The following DLGAP1 variants were observed in gnomAD, a reference collection of about 807,000 sequenced individuals.
The protein encoded by DLGAP1 is disks large-associated protein 1.
Under a neutral mutation model 90.8 loss-of-function variants are expected in DLGAP1, and 11 were observed. That is an observed-to-expected ratio of 0.12 (90% CI 0.08 to 0.20). The LOEUF is 0.20. Ranked by LOEUF, DLGAP1 falls within the 10% of genes least tolerant of loss-of-function variation. The pLI, the probability that DLGAP1 is intolerant of heterozygous loss-of-function variation, is 1.00. For synonymous variants in DLGAP1, 558 were observed against 540.7 expected, an observed-to-expected ratio of 1.03 and a Z score of -0.44; for missense variants, 1,050 against 1,333.8, an observed-to-expected ratio of 0.79 and a Z score of 3.31.
chr18:3,821,267 C>T (rs1166490209), intron 4 of DLGAP1, among the ~76,000 whole-genome samples: 4 of 129,742 alleles, frequency 3.1e-5, no homozygotes, highest in South Asian at 2.5e-4. Flanking sequence ...TCCAGCTGGC[C>T]GACAGAGTGA....
intron 7 of DLGAP1, among the ~76,000 whole-genome samples, chr18:3,641,597 A>ACACC (rs2058947359): frequency 6.6e-6 from 1 of 151,104 alleles, no homozygotes; most frequent in Non-Finnish European, 1.5e-5. Flanking sequence ...ACACACACAC[A>ACACC]CACACACACA....
chr18:3,559,492 C>T (rs2053947997), intron 9 of DLGAP1, among the ~76,000 whole-genome samples: 2 of 151,734 alleles, frequency 1.3e-5, no homozygotes, highest in African/African-American at 4.8e-5. Context: ...TAATAGTTTT[C>T]TATTGAGCAT....
intron 10 of DLGAP1, among the ~76,000 whole-genome samples, chr18:3,525,101 A>C (rs1467828091): frequency 2.1e-5 from 3 of 139,802 alleles, no homozygotes; most frequent in African/African-American, 5.2e-5. Context: ...AAAAAAAAAA[A>C]AATCAACAAC....
At chr18:3,864,663 G>A (rs2070278984) in intron 4 of DLGAP1, among the ~76,000 whole-genome samples, 1 of 152,146 alleles carries the variant, frequency 6.6e-6, no homozygotes, top group Non-Finnish European at 1.5e-5. Flanking sequence ...CACTGAGAAT[G>A]GCACCTTTAT....
chr18:3,783,909 T>A (rs1219407843), intron 5 of DLGAP1, among the ~76,000 whole-genome samples: 1 of 152,182 alleles, frequency 6.6e-6, no homozygotes, highest in African/African-American at 2.4e-5. Context: ...GTGAGAATCT[T>A]ATGTGTCCTC....
rs1193387155 is a variant in DLGAP1, at chr18:3,757,960, A to C, written c.1173-15448T>G. ...GAAACCTCGTCTCTACTAAAAATAC[A>C]AAAAAATTAGCCAGGTTTGGTGGTG... On this transcript the variant is annotated intron_variant, in intron 5 of 12. Coordinates refer to ENST00000315677, the MANE Select transcript of DLGAP1 (RefSeq NM_004746.4). 2.6e-5 allele frequency among the ~76,000 whole-genome samples: 4 copies of C among 151,592 alleles called. No individual in the cohort carries two copies. In the East Asian group the frequency reaches 7.8e-4, roughly 29 times the overall value.
chr18:4,025,068 AG>A (rs1162723606), intron 2 of DLGAP1, among the ~76,000 whole-genome samples: 1 of 152,196 alleles, frequency 6.6e-6, no homozygotes, highest in Non-Finnish European at 1.5e-5. Context: ...GCACTTATAA[AG>A]TGGCAAGCAC....
intron 4 of DLGAP1, among the ~76,000 whole-genome samples, chr18:3,857,169 T>G (rs768621065): frequency 1.1e-4 from 17 of 152,114 alleles, no homozygotes; most frequent in Non-Finnish European, 2.2e-4. Context: ...AATTAGAATA[T>G]TTAAATTATT....
chr18:3,643,838 T>A (rs187991787), intron 7 of DLGAP1, among the ~76,000 whole-genome samples: 5 of 152,232 alleles, frequency 3.3e-5, no homozygotes, highest in Admixed American at 3.3e-4. Context: ...AACAGGCGCT[T>A]TCAACAGTGC....
intron 2 of DLGAP1, among the ~76,000 whole-genome samples, chr18:4,050,377 T>G (rs76747510): frequency 0.059 from 8,925 of 152,304 alleles, 307 homozygotes; most frequent in Middle Eastern, 0.18. Flanking sequence ...CAAATACTTT[T>G]ATTTACAGAT....
chr18:4,293,574 C>CTAAG (rs1242623411), intron 1 of DLGAP1: 1 of 152,150 alleles, frequency 6.6e-6, no homozygotes, highest in Admixed American at 6.5e-5. Flanking sequence ...TATGTCCTTA[C>CTAAG]TAAGTTTCAT....
intron 1 of DLGAP1, among the ~76,000 whole-genome samples, chr18:4,437,470 TA>T (rs1305025716): frequency 1.3e-5 from 2 of 152,228 alleles, no homozygotes; most frequent in African/African-American, 4.8e-5. Flanking sequence ...ACTTACACTT[TA>T]AATAATCTCC....
rs772530060 is a variant in DLGAP1, at chr18:3,582,070, G to A, written c.1770C>T (p.Thr590=). Residue 590 remains threonine (T), a synonymous_variant, in exon 8 of 13, where the codon ACC becomes ACT. Coordinates refer to ENST00000315677, the MANE Select transcript of DLGAP1 (RefSeq NM_004746.4). Reference sequence around the variant, plus strand: ...GAGCCTTCATACTGTCCAGGCTCTCGGTGGAGTTGCTGAGTCCAGACTGGC... The same window carrying A: ...GAGCCTTCATACTGTCCAGGCTCTCAGTGGAGTTGCTGAGTCCAGACTGGC... The part of the protein sequence containing the change: ...IISQSGLSNS[T]ESLDSMKALT... 2.3e-5 allele frequency: 37 copies of A among 1,613,866 alleles called. No individual in the cohort carries two copies. Among genetic ancestry groups the A allele is most frequent in the Admixed American group, 8.3e-5 (5 of 59,974 alleles).
intron 3 of DLGAP1, among the ~76,000 whole-genome samples, chr18:3,971,636 C>T (rs377136977): frequency 6.6e-6 from 1 of 152,164 alleles, no homozygotes; most frequent in Non-Finnish European, 1.5e-5. Flanking sequence ...ACTTTTAAGA[C>T]TCTTTTGTCC....
chr18:4,129,498 A>T lies in DLGAP1; in HGVS notation c.-159+21682T>A, dbSNP rs149264808. ...GGAAATCGTGGTGCGTCATAGAATG[A>T]AACTTGTCAGAAGCACTGGTTCATC... is the stretch of plus-strand genomic sequence containing the variant. On this transcript the variant is annotated intron_variant, in intron 2 of 12. Coordinates refer to ENST00000315677, the MANE Select transcript of DLGAP1 (RefSeq NM_004746.4). Among the ~76,000 whole-genome samples the T allele has an allele frequency of 3.3e-3, 506 of 152,260 alleles. 3 individuals are homozygous for T. Among genetic ancestry groups the T allele is most frequent in the African/African-American group, 0.012 (486 of 41,556 alleles).
chr18:4,192,566 C>A (rs1200899784), intron 1 of DLGAP1, among the ~76,000 whole-genome samples: 1 of 152,162 alleles, frequency 6.6e-6, no homozygotes, highest in African/African-American at 2.4e-5. Flanking sequence ...ATTTTATCAG[C>A]CTTTGTAAAT....
At chr18:4,068,852 G>A (rs2075406910) in intron 2 of DLGAP1, among the ~76,000 whole-genome samples, 1 of 152,184 alleles carries the variant, frequency 6.6e-6, no homozygotes, top group Non-Finnish European at 1.5e-5. Context: ...GCGTACAGGT[G>A]AGGAAACAGA....
chr18:3,926,782 T>C (rs2072401762), intron 3 of DLGAP1, among the ~76,000 whole-genome samples: 1 of 152,106 alleles, frequency 6.6e-6, no homozygotes, highest in South Asian at 2.1e-4. Context: ...TGAGCACCTA[T>C]AGCACCCAGG....
intron 1 of DLGAP1, among the ~76,000 whole-genome samples, chr18:4,306,458 TGTGTGAGAGA>T (rs1409616805): frequency 3.8e-5 from 2 of 52,780 alleles, no homozygotes; most frequent in Non-Finnish European, 7.5e-5. Flanking sequence ...TGTGTGTGTG[TGTGTGAGAGA>T]GAGAGAGACA....
Sources: allele counts gnomAD v4.1 joint callset (sites outside exome capture counted in the v4.1 genomes callset), GRCh38; gene constraint gnomAD v4.1.1; transcripts MANE v1.5; gene names NCBI Gene and HGNC (gene_info 2026-07-23, HGNC 2026-07-21).